ADAMTS19: variants seen among roughly 807,000 people sequenced by gnomAD.
ADAMTS19 encodes the protein ADAM metallopeptidase with thrombospondin type 1 motif 19.
Under a neutral mutation model 153.3 loss-of-function variants are expected in ADAMTS19, and 93 were observed. That is an observed-to-expected ratio of 0.61 (90% confidence interval 0.51 to 0.72). The LOEUF is 0.72. Among genes scored for constraint, ADAMTS19 ranks in the 30% least tolerant of loss-of-function variants. The pLI is 0.00. For synonymous variants in ADAMTS19, 600 were observed against 556.6 expected, an observed-to-expected ratio of 1.08 and a Z score of -1.10; for missense variants, 1,482 against 1,552.1, an observed-to-expected ratio of 0.95 and a Z score of 0.76.
At chr5:129,642,994 T>A (rs1469056328) in intron 11 of ADAMTS19, among the ~76,000 whole-genome samples, 1 of 152,042 alleles carries the variant, frequency 6.6e-6, no homozygotes, top group Non-Finnish European at 1.5e-5. Context: ...AGGAGACAAA[T>A]GGTCACAATG....
chr5:129,551,328 A>G (rs1753084958), intron 6 of ADAMTS19, among the ~76,000 whole-genome samples: 2 of 151,750 alleles, frequency 1.3e-5, no homozygotes, highest in African/African-American at 4.8e-5. Flanking sequence ...AGTAAAAATT[A>G]TAAAATATTA....
At chr5:129,493,283 G>A (rs1474454136) in intron 2 of ADAMTS19, among the ~76,000 whole-genome samples, 1 of 152,080 alleles carries the variant, frequency 6.6e-6, no homozygotes, top group Non-Finnish European at 1.5e-5. Context: ...GTGCCTGATT[G>A]TTAGAATTTA....
chr5:129,713,367 A>C (rs1465274050), intron 21 of ADAMTS19, among the ~76,000 whole-genome samples: 1 of 152,246 alleles, frequency 6.6e-6, no homozygotes, highest in East Asian at 1.9e-4. Context: ...ACATAACCAG[A>C]TAACCAGGAT....
intron 14 of ADAMTS19, among the ~76,000 whole-genome samples, chr5:129,654,882 C>T (rs905126696): frequency 6.6e-6 from 1 of 152,120 alleles, no homozygotes; most frequent in Non-Finnish European, 1.5e-5. Context: ...TTTTTAAATG[C>T]ATATTCAACT....
intron 21 of ADAMTS19, among the ~76,000 whole-genome samples, chr5:129,716,853 C>T (rs963407207): frequency 7.2e-5 from 11 of 152,258 alleles, no homozygotes; most frequent in Middle Eastern, 3.4e-3. Context: ...CCATTGATTG[C>T]GTCAACTACC....
At chr5:129,538,074 C>G (rs1324092265) in intron 6 of ADAMTS19, among the ~76,000 whole-genome samples, 31 of 152,170 alleles carry the variant, frequency 2.0e-4, no homozygotes, top group Non-Finnish European at 2.9e-5. Context: ...TCAAGTCTTT[C>G]TTCCTTCTTA....
At chr5:129,522,461 T>C (rs574347376) in intron 3 of ADAMTS19, among the ~76,000 whole-genome samples, 2 of 149,920 alleles carry the variant, frequency 1.3e-5, no homozygotes, top group South Asian at 4.2e-4. Flanking sequence ...ATGGCTAGTA[T>C]TGTTTTTGTC....
intron 21 of ADAMTS19, among the ~76,000 whole-genome samples, chr5:129,734,264 C>G (rs1315252176): frequency 6.6e-6 from 1 of 151,498 alleles, no homozygotes; most frequent in Non-Finnish European, 1.5e-5. Context: ...CCAAACCTTA[C>G]CATTTTGCTA....
intron 11 of ADAMTS19, among the ~76,000 whole-genome samples, chr5:129,646,788 G>A (rs915201542): frequency 2.6e-5 from 4 of 152,250 alleles, no homozygotes; most frequent in African/African-American, 7.2e-5. Flanking sequence ...TTAGGGCTAG[G>A]AGGATCAACT....
Position 129,661,037 on chromosome 5 carries a change from G to A in ADAMTS19, c.2425+2300G>A, listed in dbSNP as rs531675400. On this transcript the variant is annotated intron_variant, in intron 15 of 22. Transcript: ENST00000274487. Reference sequence around the variant, plus strand: ...CGATCAGCTTTCTCTTGGCTTTGATGGATAAATTCCTAGATATCACGTAGT... The same window carrying A: ...CGATCAGCTTTCTCTTGGCTTTGATAGATAAATTCCTAGATATCACGTAGT... Among the ~76,000 whole-genome samples, 17 of 152,194 alleles carry A rather than the reference G, an allele frequency of 1.1e-4. No individual in the cohort carries two copies. In the East Asian group the frequency reaches 3.3e-3, roughly 29 times the overall value.
At chr5:129,481,959 T>G (rs1750427359) in intron 2 of ADAMTS19, among the ~76,000 whole-genome samples, 1 of 152,186 alleles carries the variant, frequency 6.6e-6, no homozygotes, top group Non-Finnish European at 1.5e-5. Flanking sequence ...TTAAAAAGCA[T>G]GGACATCCTT....
chr5:129,567,315 A>G (rs889187438), intron 7 of ADAMTS19, among the ~76,000 whole-genome samples: 3 of 152,304 alleles, frequency 2.0e-5, no homozygotes, highest in Middle Eastern at 3.4e-3. Flanking sequence ...ACAATTCAAA[A>G]TTATTTTACA....
intron 8 of ADAMTS19, among the ~76,000 whole-genome samples, chr5:129,617,326 A>G (rs1223118364): frequency 6.6e-6 from 1 of 152,046 alleles, no homozygotes; most frequent in Non-Finnish European, 1.5e-5. Flanking sequence ...TTACATCAGA[A>G]TCAGGACCAG....
intron 7 of ADAMTS19, among the ~76,000 whole-genome samples, chr5:129,568,834 ATAAT>A (rs1400946750): frequency 2.6e-5 from 4 of 152,098 alleles, no homozygotes; most frequent in Admixed American, 6.6e-5. Context: ...AAATAAATAA[ATAAT>A]TAAACAAATC....
intron 2 of ADAMTS19, among the ~76,000 whole-genome samples, chr5:129,481,930 C>A (rs2126672103): frequency 6.6e-6 from 1 of 152,204 alleles, no homozygotes; most frequent in East Asian, 1.9e-4. Flanking sequence ...AGATTTCTAT[C>A]CAAGCTTGGG....
chr5:129,543,499 C>T (rs1752737151), intron 6 of ADAMTS19, among the ~76,000 whole-genome samples: 1 of 152,162 alleles, frequency 6.6e-6, no homozygotes. Context: ...CACAGTGTAA[C>T]ATTACATTAT....
intron 22 of ADAMTS19, 25 bp downstream of exon 22, chr5:129,735,134 CT>C: frequency 6.6e-7 from 1 of 1,519,922 alleles, no homozygotes; most frequent in Non-Finnish European, 8.8e-7. Flanking sequence ...AAAAAAGATG[CT>C]TTTGAAAAAC....
chr5:129,544,610 A>C (rs914769199), intron 6 of ADAMTS19, among the ~76,000 whole-genome samples: 3 of 152,186 alleles, frequency 2.0e-5, no homozygotes, highest in Admixed American at 2.0e-4. Context: ...GATGAGCCAA[A>C]AACAAAGCAA....
At chr5:129,643,377 A>AG (rs1399724921) in intron 11 of ADAMTS19, among the ~76,000 whole-genome samples, 1 of 149,346 alleles carries the variant, frequency 6.7e-6, no homozygotes, top group African/African-American at 2.5e-5. Context: ...CAAAAAAAAA[A>AG]AAAAAAAAAG....
Sources: allele counts gnomAD v4.1 joint callset (sites outside exome capture counted in the v4.1 genomes callset), GRCh38; gene constraint gnomAD v4.1.1; transcripts MANE v1.5; gene names NCBI Gene and HGNC (gene_info 2026-07-23, HGNC 2026-07-21).